Variants in RALGAPA1 observed in about 807,000 individuals in gnomAD.
RALGAPA1 encodes Ral GTPase activating protein catalytic subunit alpha 1, also known as ral GTPase-activating protein subunit alpha-1.
In RALGAPA1, 52 loss-of-function variants were observed where a neutral mutation model predicts 269.6. That is an observed-to-expected ratio of 0.19 (90% CI 0.15 to 0.24). The LOEUF is 0.24. RALGAPA1 is among the 10% of genes least tolerant of loss of function. The pLI, the probability that RALGAPA1 is intolerant of heterozygous loss-of-function variation, is 1.00. For synonymous variants in RALGAPA1, 817 were observed against 1,008.3 expected, an observed-to-expected ratio of 0.81 and a Z score of 3.60; for missense variants, 1,917 against 3,013.9, an observed-to-expected ratio of 0.64 and a Z score of 8.52.
chr14:35,634,783 G>A, intron 32 of RALGAPA1, 26 bp from the exon 33 acceptor site: 1 of 1,530,426 alleles, frequency 6.5e-7, no homozygotes, highest in East Asian at 2.4e-5. Context: ...GAAACACCCA[G>A]TTTTACTTAA....
intron 39 of RALGAPA1, among the ~76,000 whole-genome samples, chr14:35,566,829 C>A (rs1301520630): frequency 6.7e-6 from 1 of 149,352 alleles, no homozygotes; most frequent in Non-Finnish European, 1.5e-5. Context: ...TGTATGAAGT[C>A]ATTTCCCCCC....
intron 14 of RALGAPA1, 103 bp downstream of exon 14, chr14:35,724,918 TAAC>T: frequency 1.1e-6 from 1 of 889,506 alleles, no homozygotes; most frequent in Non-Finnish European, 1.6e-6. Flanking sequence ...TTTTTTCTGG[TAAC>T]AAGTTCAGGG....
intron 31 of RALGAPA1, among the ~76,000 whole-genome samples, chr14:35,645,557 C>G (rs1023828862): frequency 6.6e-6 from 1 of 151,774 alleles, no homozygotes; most frequent in Admixed American, 6.6e-5. Context: ...GGTGAAACCC[C>G]GTCTCTACTA....
intron 37 of RALGAPA1, among the ~76,000 whole-genome samples, chr14:35,588,633 A>T (rs1007695167): frequency 6.6e-6 from 1 of 152,194 alleles, no homozygotes; most frequent in African/African-American, 2.4e-5. Flanking sequence ...AAAAAAGAGG[A>T]CTTTGTTACA....
intron 36 of RALGAPA1, among the ~76,000 whole-genome samples, chr14:35,601,166 G>A (rs1490331695): frequency 6.6e-6 from 1 of 152,200 alleles, no homozygotes; most frequent in African/African-American, 2.4e-5. Flanking sequence ...ACTGCTGGGT[G>A]ATGGTAAAAG....
chr14:35,784,192 A>T (rs771120966), intron 1 of RALGAPA1, among the ~76,000 whole-genome samples: 6 of 152,182 alleles, frequency 3.9e-5, no homozygotes, highest in African/African-American at 7.2e-5. Flanking sequence ...GTTATTATTC[A>T]TAATGGTCAA....
intron 3 of RALGAPA1, among the ~76,000 whole-genome samples, chr14:35,772,134 C>T (rs2141514644): frequency 6.6e-6 from 1 of 152,242 alleles, no homozygotes; most frequent in Admixed American, 6.5e-5. Flanking sequence ...TAACTCACCA[C>T]AGCCACAAAC....
intron 28 of RALGAPA1, among the ~76,000 whole-genome samples, chr14:35,658,303 T>G (rs1346361049): frequency 6.6e-6 from 1 of 152,230 alleles, no homozygotes; most frequent in Non-Finnish European, 1.5e-5. Flanking sequence ...AATGGTTCAC[T>G]GTACATTATT....
At chr14:35,595,501 G>A in intron 37 of RALGAPA1, 133 bp downstream of exon 37, 1 of 752,730 alleles carries the variant, frequency 1.3e-6, no homozygotes, top group Middle Eastern at 3.8e-4. Flanking sequence ...CTATTTTCAA[G>A]ACAGCACTGG....
intron 28 of RALGAPA1, 44 bp from the exon 29 acceptor site, chr14:35,655,959 C>T (rs569354440): frequency 1.2e-6 from 2 of 1,611,170 alleles, no homozygotes; most frequent in Admixed American, 1.7e-5. Flanking sequence ...AATGAAACCA[C>T]CACCACAAAC....
At chr14:35,574,580 A>G (rs1002047565) in intron 37 of RALGAPA1, among the ~76,000 whole-genome samples, 2 of 152,184 alleles carry the variant, frequency 1.3e-5, no homozygotes, top group Non-Finnish European at 2.9e-5. Flanking sequence ...TCATAATGAG[A>G]TATGACATTA....
chr14:35,636,396 T>G (rs762698369), intron 31 of RALGAPA1, among the ~76,000 whole-genome samples: 10 of 152,042 alleles, frequency 6.6e-5, no homozygotes, highest in Non-Finnish European at 1.2e-4. Context: ...CTGGTCTACA[T>G]CTCCCAACAT....
chr14:35,726,609 G>T (rs959753595), intron 13 of RALGAPA1, among the ~76,000 whole-genome samples: 1 of 151,962 alleles, frequency 6.6e-6, no homozygotes, highest in Non-Finnish European at 1.5e-5. Context: ...GCAACAAGGC[G>T]AAACATCTCT....
At chr14:35,710,210 C>CATGTG (rs1595252633) in intron 16 of RALGAPA1, among the ~76,000 whole-genome samples, 1 of 152,184 alleles carries the variant, frequency 6.6e-6, no homozygotes, top group East Asian at 1.9e-4. Flanking sequence ...TTTTGATACC[C>CATGTG]TGTTGTTACT....
rs530981632 is a variant in RALGAPA1 at position 35,688,686 on chromosome 14, T to C, written c.3725A>G (p.Glu1242Gly). ...ACCTAATTGACTACTTGCAATTCCT[T>C]CTTTTTGTAATATGGTGGTGGGAAT... The part of the protein sequence containing the change: ...TEIPTTILQK[E>G]GIASSQLGSR... Residue 1242 changes from glutamate (E) to glycine (G), a missense_variant, in exon 18 of 42, where the codon GAA (glutamate) becomes GGA (glycine). This residue lies in a region of RALGAPA1 where 615 missense variants were observed against 790.0 expected (regional missense o/e 0.78). Transcript: ENST00000680220. 1 of 1,486,358 alleles carries C rather than the reference T, an allele frequency of 6.7e-7. No individual in the cohort carries two copies. Among genetic ancestry groups the C allele is most frequent in the Non-Finnish European group, 8.9e-7 (1 of 1,125,858 alleles). The allele number at this position is 1,486,358 out of a possible 1,614,324, so 92.1% of individuals were successfully genotyped here.
intron 16 of RALGAPA1, 74 bp downstream of exon 16, chr14:35,721,614 A>G: frequency 7.7e-7 from 1 of 1,294,784 alleles, no homozygotes; most frequent in East Asian, 2.4e-5. Flanking sequence ...AAAAATTTAT[A>G]TTGATATAAA....
chr14:35,700,055 C>T (rs1203680278), intron 17 of RALGAPA1, 107 bp downstream of exon 17: 5 of 985,986 alleles, frequency 5.1e-6, no homozygotes, highest in African/African-American at 4.9e-5. Flanking sequence ...TCCCACACCT[C>T]CCCCAAAGAA....
chr14:35,746,903 G>A (rs1406110756), intron 10 of RALGAPA1, among the ~76,000 whole-genome samples: 1 of 151,554 alleles, frequency 6.6e-6, no homozygotes, highest in Non-Finnish European at 1.5e-5. Context: ...AAAGGAAAAG[G>A]AATGGGGGCT....
At chr14:35,695,272 G>A (rs1275610678) in intron 17 of RALGAPA1, among the ~76,000 whole-genome samples, 3 of 151,802 alleles carry the variant, frequency 2.0e-5, no homozygotes, top group Non-Finnish European at 2.9e-5. Flanking sequence ...GCTATAATCA[G>A]CAGATTACAA....
Sources: allele counts gnomAD v4.1 joint callset (sites outside exome capture counted in the v4.1 genomes callset), GRCh38; gene constraint gnomAD v4.1.1; regional missense constraint gnomAD v4.1.1; transcripts MANE v1.5; gene names NCBI Gene and HGNC (gene_info 2026-07-23, HGNC 2026-07-21).